SMG9: variants seen among roughly 807,000 people sequenced by gnomAD.
SMG9 encodes the protein nonsense-mediated mRNA decay factor SMG9.
SMG9 carries 55 observed loss-of-function variants against 64.0 expected under a neutral mutation model. That is an observed-to-expected ratio of 0.86 (90% CI 0.69 to 1.08). The LOEUF (loss-of-function observed/expected upper bound fraction) is 1.08. Ranked by LOEUF, SMG9 falls within the 50% of genes least tolerant of loss-of-function variation. SMG9 has a pLI of 0.00. For missense variants in SMG9, 554 were observed against 681.3 expected, an observed-to-expected ratio of 0.81 and a Z score of 2.08; for synonymous variants, 244 against 254.8, an observed-to-expected ratio of 0.96 and a Z score of 0.41.
At chr19:43,741,043 A>C (rs1968830071) in intron 6 of SMG9, among the ~76,000 whole-genome samples, 1 of 152,238 alleles carries the variant, frequency 6.6e-6, no homozygotes, top group Non-Finnish European at 1.5e-5. Context: ...TCCACTTTAC[A>C]AACACTATAC....
rs758063345 is a variant in SMG9, at chr19:43,740,193, C to T, written c.727G>A (p.Ala243Thr). The change falls in exon 7 of 14, where the codon GCT (alanine) becomes ACT (threonine). Residue 243 changes from alanine to threonine, a missense_variant. Physicochemically the swap from Ala to Thr is moderately conservative, Grantham distance 58. Transcript: ENST00000270066. ...QRTYVFRAQS[A>T]EMKERGGNQT... Reference sequence around the variant, plus strand: ...TTGCCCCCTCGTTCCTTCATTTCAGCGCTCTGGGCCCGGAAAACATAAGTC... The same window carrying T: ...TTGCCCCCTCGTTCCTTCATTTCAGTGCTCTGGGCCCGGAAAACATAAGTC... 65 of 1,613,842 alleles carry T rather than the reference C, an allele frequency of 4.0e-5. No homozygotes were observed. In the Admixed American group the frequency reaches 8.0e-4, roughly 20 times the overall value.
chr19:43,731,428 TG>T lies in SMG9; in HGVS notation c.*167del. The stretch of plus-strand genomic sequence containing the variant: ...CCCCCGGAACAGCCCCAACTGAGGG[TG>T]GGGGGCCTGGCCCTGGACACCTCAT... On this transcript the variant is annotated 3_prime_UTR_variant, in exon 14 of 14. Coordinates refer to ENST00000270066, the MANE Select transcript of SMG9 (RefSeq NM_019108.4). 4 of 1,432,216 alleles carry T rather than the reference TG, an allele frequency of 2.8e-6. No homozygotes were observed. Among genetic ancestry groups the T allele is most frequent in the Non-Finnish European group, 9.2e-7 (1 of 1,091,230 alleles). 88.7% of individuals were successfully genotyped at this position (1,432,216 alleles called of 1,614,324 possible).
At position 43,753,726 on chromosome 19, in the gene SMG9, G is replaced by C. The variant is rs112536550; in HGVS notation, c.-7+928C>G. ...TTCGCCAGCCTCGGTCTCCCAAAGT[G>C]ATCGGATTCCCCGGGTAAGCCACCG... On this transcript the variant is annotated intron_variant, in intron 1 of 13. Coordinates refer to ENST00000270066, the MANE Select transcript of SMG9 (RefSeq NM_019108.4). Among the ~76,000 whole-genome samples the C allele has an allele frequency of 3.9e-5, 6 of 152,112 alleles. 1 individual carries two copies. Among genetic ancestry groups the C allele is most frequent in the African/African-American group, 1.4e-4 (6 of 41,512 alleles).
rs1030083014 is a variant in SMG9 at position 43,730,645 on chromosome 19, C to A, written c.*951G>T. ...GTGGCGTGATCTTGGCTCACTGCAA[C>A]CTCTGCCTCCCGGGTTCAAGCAGTT... On this transcript the variant is annotated 3_prime_UTR_variant, in exon 14 of 14. Coordinates refer to ENST00000270066, the MANE Select transcript of SMG9 (RefSeq NM_019108.4). 4 of 151,722 alleles carry A rather than the reference C, an allele frequency of 2.6e-5. No homozygotes were observed. The highest frequency in any genetic ancestry group is 9.7e-5 in the African/African-American group (4 of 41,250). The allele number at this position is 151,722 out of a possible 1,614,324, so 9.4% of individuals were successfully genotyped here.
rs775445159 is a variant in SMG9 at position 43,752,902 on chromosome 19, T to TAAAAAAA, written c.-7+1745_-7+1751dup. On this transcript the variant is annotated intron_variant, in intron 1 of 13. Coordinates refer to ENST00000270066, the MANE Select transcript of SMG9 (RefSeq NM_019108.4). The stretch of plus-strand genomic sequence containing the variant: ...CTGGGTAACAAAGCAAGACCCTGTC[T>TAAAAAAA]AAAAAAAAAAAAAAGCAGAACCCTG... 1.3e-4 allele frequency among the ~76,000 whole-genome samples: 13 copies of TAAAAAAA among 96,312 alleles called. 1 individual carries two copies. The highest frequency in any genetic ancestry group is 2.3e-4 in the Non-Finnish European group (11 of 48,198). The allele number at this position is 96,312 out of a possible 152,430, so 63.2% of individuals were successfully genotyped here.
intron 7 of SMG9, among the ~76,000 whole-genome samples, chr19:43,739,133 T>TG (rs911672849): frequency 6.6e-6 from 1 of 152,144 alleles, no homozygotes; most frequent in Non-Finnish European, 1.5e-5. Context: ...GAGGTGCATA[T>TG]GGGCAACAGT....
At position 43,750,574 on chromosome 19, in the gene SMG9, C is replaced by G. The variant is rs377480282; in HGVS notation, c.150+18G>C. ...CCAAATAGATACATGAATGCTGCTCCTGGGTCCAGACACTCACCCTTCTCT... is the reference window on the plus strand; with the variant it reads ...CCAAATAGATACATGAATGCTGCTCGTGGGTCCAGACACTCACCCTTCTCT... On this transcript the variant is annotated intron_variant, in intron 2 of 13. Coordinates refer to ENST00000270066, the MANE Select transcript of SMG9 (RefSeq NM_019108.4). The G allele has an allele frequency of 1.2e-5, 19 of 1,599,704 alleles. No homozygotes were observed. The African/African-American group carries it at 2.4e-4, about 20-fold the overall frequency.
chr19:43,737,896 G>A (rs1968725477), intron 8 of SMG9: 1 of 650,444 alleles, frequency 1.5e-6, no homozygotes, highest in African/African-American at 1.8e-5. Context: ...GGCAGATGCT[G>A]AGGCGTCAAA....
At chr19:43,733,248 A>C (rs1968543280) in intron 12 of SMG9, 76 bp downstream of exon 12, 14 of 1,560,596 alleles carry the variant, frequency 9.0e-6, no homozygotes, top group African/African-American at 1.4e-5. Context: ...GTCGCCTCCT[A>C]GACCAGTGGG....
At chr19:43,738,826 C>A (rs1968755511) in intron 7 of SMG9, among the ~76,000 whole-genome samples, 1 of 152,256 alleles carries the variant, frequency 6.6e-6, no homozygotes, top group African/African-American at 2.4e-5. Flanking sequence ...TGTTTAACTT[C>A]CGTCCTCCTC....
chr19:43,745,507 G>A (rs575909995), intron 5 of SMG9, among the ~76,000 whole-genome samples: 1 of 152,186 alleles, frequency 6.6e-6, no homozygotes, highest in Non-Finnish European at 1.5e-5. Flanking sequence ...AAACAGCTAC[G>A]TTCTGAACTG....
intron 1 of SMG9, among the ~76,000 whole-genome samples, chr19:43,753,771 C>T (rs1969266425): frequency 6.6e-6 from 1 of 151,988 alleles, no homozygotes; most frequent in Non-Finnish European, 1.5e-5. Context: ...TCCCTGTGCC[C>T]TTTATTCTGG....
At chr19:43,740,016 A>T in intron 7 of SMG9, 91 bp downstream of exon 7, 1 of 933,770 alleles carries the variant, frequency 1.1e-6, no homozygotes, top group Non-Finnish European at 1.8e-6. Context: ...AAGCACATGG[A>T]ATCCACGCAG....
chr19:43,738,416 C>T (rs762193758), intron 7 of SMG9, among the ~76,000 whole-genome samples, 199 bp from the exon 8 acceptor site: 1 of 152,170 alleles, frequency 6.6e-6, no homozygotes, highest in Non-Finnish European at 1.5e-5. Context: ...CACTGTTGCT[C>T]GCAAGCACCT....
chr19:43,731,399 G>T lies in SMG9; in HGVS notation c.*197C>A. 7.2e-7 allele frequency: 1 copy of T among 1,394,232 alleles called. No homozygotes were observed. The highest frequency in any genetic ancestry group is 1.6e-5 in the South Asian group (1 of 61,864). The allele number at this position is 1,394,232 out of a possible 1,614,324, so 86.4% of individuals were successfully genotyped here. Reference sequence around the variant, plus strand: ...CAGGTTTGGGGTGGGATCGCTCACAGTCACCCCCGGAACAGCCCCAACTGA... The same window carrying T: ...CAGGTTTGGGGTGGGATCGCTCACATTCACCCCCGGAACAGCCCCAACTGA... On this transcript the variant is annotated 3_prime_UTR_variant, in exon 14 of 14. Coordinates refer to ENST00000270066, the MANE Select transcript of SMG9 (RefSeq NM_019108.4).
intron 9 of SMG9, among the ~76,000 whole-genome samples, chr19:43,737,001 C>A (rs1477314877): frequency 6.6e-6 from 1 of 152,126 alleles, no homozygotes; most frequent in African/African-American, 2.4e-5. Flanking sequence ...AGGGCAGGTG[C>A]GGTGGCTCAC....
intron 2 of SMG9, 21 bp downstream of exon 2, chr19:43,750,571 C>T: frequency 2.5e-6 from 4 of 1,596,876 alleles, no homozygotes; most frequent in Non-Finnish European, 3.4e-6. Context: ...ATGAATGCTG[C>T]TCCTGGGTCC....
At chr19:43,753,695 A>T (rs1325428262) in intron 1 of SMG9, among the ~76,000 whole-genome samples, 1 of 151,924 alleles carries the variant, frequency 6.6e-6, no homozygotes, top group African/African-American at 2.4e-5. Context: ...TCCTGGCCTC[A>T]AGTGATTCGC....
chr19:43,737,814 C>T, intron 8 of SMG9, 132 bp from the exon 9 acceptor site: 3 of 816,278 alleles, frequency 3.7e-6, no homozygotes, highest in Non-Finnish European at 2.0e-6. Context: ...GTGCCCAGCA[C>T]TGTGATGGCA....
Sources: allele counts gnomAD v4.1 joint callset (sites outside exome capture counted in the v4.1 genomes callset), GRCh38; gene constraint gnomAD v4.1.1; transcripts MANE v1.5; gene names NCBI Gene and HGNC (gene_info 2026-07-23, HGNC 2026-07-21).